SKP2: variants seen among roughly 807,000 people sequenced by gnomAD.
The protein encoded by SKP2 is S-phase kinase associated protein 2.
A neutral mutation model predicts 51.8 loss-of-function variants in SKP2; 16 were observed. The observed-to-expected ratio is 0.31, with a 90% confidence interval of 0.21 to 0.47. The LOEUF (loss-of-function observed/expected upper bound fraction) is 0.47, where lower values mean the gene tolerates loss of function less well. SKP2 is among the 20% of genes least tolerant of loss of function. The pLI is 1.00. For missense variants in SKP2, 377 were observed against 505.3 expected, an observed-to-expected ratio of 0.75 and a Z score of 2.43; for synonymous variants, 176 against 198.6, an observed-to-expected ratio of 0.89 and a Z score of 0.96.
At position 36,166,507 on chromosome 5, in the gene SKP2, C is replaced by T. The variant is rs1328482360; in HGVS notation, c.393-12C>T. 2 of 1,613,684 alleles carry T rather than the reference C, an allele frequency of 1.2e-6. No homozygotes were observed. The highest frequency in any genetic ancestry group is 2.7e-5 in the African/African-American group (2 of 75,030). ...GACCGACTGGCCAAATTAAGTATCT[C>T]CTCTTTTATAGGTCTGATGAGTCTC... On this transcript the variant is annotated splice_polypyrimidine_tract_variant and intron_variant, in intron 3 of 9. Transcript: ENST00000274255.
At chr5:36,158,202 T>C (rs1318680151) in intron 2 of SKP2, among the ~76,000 whole-genome samples, 1 of 152,232 alleles carries the variant, frequency 6.6e-6, no homozygotes, top group Non-Finnish European at 1.5e-5. Context: ...CCTTGCTGGA[T>C]TTAGCAGAGA....
Position 36,152,234 on chromosome 5 carries a change from T to C in SKP2, c.-29T>C. 1 of 1,613,486 alleles carries C rather than the reference T, an allele frequency of 6.2e-7. No homozygotes were observed. Among genetic ancestry groups the C allele is most frequent in the South Asian group, 1.1e-5 (1 of 91,076 alleles). ...CGAGCAGCTCTGCAGTTAATGCACGTATTTTAAACTCCCGGGCCTGCGGAC... is the reference window on the plus strand; with the variant it reads ...CGAGCAGCTCTGCAGTTAATGCACGCATTTTAAACTCCCGGGCCTGCGGAC... On this transcript the variant is annotated 5_prime_UTR_variant, in exon 1 of 10. Coordinates refer to ENST00000274255, the MANE Select transcript of SKP2 (RefSeq NM_005983.4).
At position 36,163,630 on chromosome 5, in the gene SKP2, G is replaced by A; in HGVS notation, c.281-15G>A. The A allele has an allele frequency of 6.5e-7, 1 of 1,541,486 alleles. No homozygotes were observed. The highest frequency in any genetic ancestry group is 9.0e-7 in the Non-Finnish European group (1 of 1,113,730). Reference sequence around the variant, plus strand: ...GAAAGAATGGTGATGGCAAACACTTGTTTTCCCTCCAAAGGTGTTTCATGG... The same window carrying A: ...GAAAGAATGGTGATGGCAAACACTTATTTTCCCTCCAAAGGTGTTTCATGG... On this transcript the variant is annotated splice_polypyrimidine_tract_variant and intron_variant, in intron 2 of 9. Transcript: ENST00000274255.
intron 7 of SKP2, among the ~76,000 whole-genome samples, chr5:36,172,203 A>G (rs183559621): frequency 6.6e-6 from 1 of 152,362 alleles, no homozygotes; most frequent in African/African-American, 2.4e-5. Flanking sequence ...TGGACGGTGT[A>G]TAGGATGGAG....
At chr5:36,166,759 C>G in intron 4 of SKP2, 97 bp downstream of exon 4, 1 of 1,090,480 alleles carries the variant, frequency 9.2e-7, no homozygotes, top group South Asian at 1.5e-5. Context: ...AGCCTTAAAG[C>G]CTATGGTAGG....
At chr5:36,166,737 T>TTC in intron 4 of SKP2, 75 bp downstream of exon 4, 3 of 1,383,778 alleles carry the variant, frequency 2.2e-6, no homozygotes, top group South Asian at 1.3e-5. Context: ...TTTTTTTTTT[T>TTC]TTTCTTTCTT....
At chr5:36,191,394 T>C (rs955190730) in intron 6 of SKP2, among the ~76,000 whole-genome samples, 1 of 132,528 alleles carries the variant, frequency 7.5e-6, no homozygotes, top group African/African-American at 2.7e-5. Flanking sequence ...ATCAAGTTCT[T>C]TTTTTTTTTT....
rs762283327 is a variant in SKP2, at chr5:36,183,994, C to T, written c.*1963C>T. 2.5e-6 allele frequency: 4 copies of T among 1,576,550 alleles called. No homozygotes were observed. Among genetic ancestry groups the T allele is most frequent in the South Asian group, 2.3e-5 (2 of 87,972 alleles). ...TGTATGTGATTTCTACTTTTATAGA[C>T]TTGTTTTAAAACAATAAAACACATT... On this transcript the variant is annotated 3_prime_UTR_variant, in exon 10 of 10. Transcript: ENST00000274255.
chr5:36,157,632 A>G (rs1744994122), intron 2 of SKP2, among the ~76,000 whole-genome samples: 1 of 152,208 alleles, frequency 6.6e-6, no homozygotes, highest in African/African-American at 2.4e-5. Flanking sequence ...AGCAAAAGCA[A>G]TTCTGAGGTG....
chr5:36,188,683 T>G (rs181639733), downstream of SKP2, among the ~76,000 whole-genome samples: 194 of 152,312 alleles, frequency 1.3e-3, 1 homozygote, highest in Middle Eastern at 0.017. Context: ...CATTTCAACC[T>G]TGGTGAATCT....
At chr5:36,187,770 G>A (rs1476674161), downstream of SKP2, among the ~76,000 whole-genome samples, 1 of 152,216 alleles carries the variant, frequency 6.6e-6, no homozygotes, top group African/African-American at 2.4e-5. Flanking sequence ...GGAGAGCTGA[G>A]TTCAATTCCC....
chr5:36,168,438 C>T lies in SKP2; in HGVS notation c.662C>T (p.Pro221Leu). ...CTGGAAGGCCTGCGGCTTTCGGATCCCATTGTCAAGTGAGTGGCAGGCAGA... is the reference window on the plus strand; with the variant it reads ...CTGGAAGGCCTGCGGCTTTCGGATCTCATTGTCAAGTGAGTGGCAGGCAGA... The part of the protein sequence containing the change: ...LSLEGLRLSD[P>L]IVNTLAKNSN... The change falls in exon 5 of 10, where the codon CCC (proline) becomes CTC (leucine). Residue 221 changes from proline to leucine, a missense_variant. This residue lies in a region of SKP2 where 262 missense variants were observed against 389.8 expected (regional missense o/e 0.67). Transcript: ENST00000274255. The T allele has an allele frequency of 6.2e-7, 1 of 1,614,156 alleles. No homozygotes were observed. Among genetic ancestry groups the T allele is most frequent in the Non-Finnish European group, 8.5e-7 (1 of 1,180,016 alleles).
At chr5:36,185,218 A>C (rs1197219229), downstream of SKP2, among the ~76,000 whole-genome samples, 1 of 151,994 alleles carries the variant, frequency 6.6e-6, no homozygotes, top group East Asian at 1.9e-4. Context: ...TTGCCTGTTC[A>C]CTCTGATGGT....
At chr5:36,167,950 C>T (rs1467221042) in intron 4 of SKP2, among the ~76,000 whole-genome samples, 1 of 151,956 alleles carries the variant, frequency 6.6e-6, no homozygotes, top group African/African-American at 2.4e-5. Context: ...CTTCCGCTAC[C>T]TTCCCTGTTC....
rs980319731 is a variant in SKP2 at position 36,182,645 on chromosome 5, A to C, written c.*614A>C. On this transcript the variant is annotated 3_prime_UTR_variant, in exon 10 of 10. Coordinates refer to ENST00000274255, the MANE Select transcript of SKP2 (RefSeq NM_005983.4). ...AAAACTTAACAAAAGACCAAACATT[A>C]CAAAACCCAGAGATATAGAATCAAT... The C allele has an allele frequency of 3.1e-6, 3 of 981,012 alleles. No individual in the cohort carries two copies. Among genetic ancestry groups the C allele is most frequent in the African/African-American group, 1.7e-5 (1 of 57,150 alleles). The allele number at this position is 981,012 out of a possible 1,614,324, so 60.8% of individuals were successfully genotyped here.
chr5:36,152,290 G>A lies in SKP2; in HGVS notation c.8+20G>A, dbSNP rs778478841. On this transcript the variant is annotated intron_variant, in intron 1 of 9. Coordinates refer to ENST00000274255, the MANE Select transcript of SKP2 (RefSeq NM_005983.4). ...GCACAGGTAAACGGATTGCAAAAAG[G>A]GGAAGAGCATGAAATGGACCCTCTT... 4 of 1,611,880 alleles carry A rather than the reference G, an allele frequency of 2.5e-6. No homozygotes were observed. Among genetic ancestry groups the A allele is most frequent in the South Asian group, 2.2e-5 (2 of 91,040 alleles).
At chr5:36,191,044 T>C (rs1383047651) in intron 6 of SKP2, among the ~76,000 whole-genome samples, 1 of 152,214 alleles carries the variant, frequency 6.6e-6, no homozygotes, top group Non-Finnish European at 1.5e-5. Context: ...TTTCTTTCCT[T>C]GTAATTTATT....
At chr5:36,169,440 C>T (rs1745398237) in intron 5 of SKP2, among the ~76,000 whole-genome samples, 1 of 82,876 alleles carries the variant, frequency 1.2e-5, no homozygotes, top group African/African-American at 4.2e-5. Context: ...AGCAAAACTC[C>T]ATCTGAAAAA....
intron 2 of SKP2, 41 bp downstream of exon 2, chr5:36,153,083 G>A: frequency 6.3e-7 from 1 of 1,586,184 alleles, no homozygotes; most frequent in Non-Finnish European, 8.6e-7. Flanking sequence ...TGCAAAGGGT[G>A]GATTTAGCTA....
Sources: gnomAD v4.1 joint callset for allele counts (sites outside exome capture counted in the v4.1 genomes callset) on GRCh38, gnomAD v4.1.1 for gene constraint, gnomAD v4.1.1 regional missense constraint, MANE v1.5 for transcripts, NCBI Gene and HGNC (gene_info 2026-07-23, HGNC 2026-07-21) for gene names.